PRKCE: variants seen among roughly 807,000 people sequenced by gnomAD.
PRKCE encodes the protein protein kinase C epsilon type.
PRKCE carries 16 observed loss-of-function variants against 85.4 expected under a neutral mutation model. The ratio of observed to expected loss-of-function variants is 0.19; its 90% CI spans 0.13 to 0.28. PRKCE has a LOEUF of 0.28. PRKCE is among the 10% of genes least tolerant of loss of function. The pLI is 1.00. For synonymous variants in PRKCE, 388 were observed against 371.5 expected (o/e 1.04, Z -0.51); for missense variants, 573 against 975.2 (o/e 0.59, Z 5.49).
intron 14 of PRKCE, among the ~76,000 whole-genome samples, chr2:46,160,813 G>A (rs565907187): frequency 2.0e-5 from 3 of 152,302 alleles, no homozygotes; most frequent in East Asian, 1.9e-4. Flanking sequence ...CTGGGGAGCC[G>A]TTATTGACAA....
intron 1 of PRKCE, among the ~76,000 whole-genome samples, chr2:45,734,927 C>T (rs1681921657): frequency 2.6e-5 from 4 of 152,250 alleles, no homozygotes; most frequent in Admixed American, 2.6e-4. Context: ...GTAGAGCTCC[C>T]CTCGGGATTG....
chr2:46,035,711 GC>G (rs1257861505), intron 10 of PRKCE, among the ~76,000 whole-genome samples: 10 of 152,160 alleles, frequency 6.6e-5, no homozygotes, highest in African/African-American at 2.4e-4. Context: ...GGTGTATATG[GC>G]ACGTTATATA....
chr2:46,069,523 T>C (rs958641766), intron 10 of PRKCE, among the ~76,000 whole-genome samples: 2 of 152,196 alleles, frequency 1.3e-5, no homozygotes, highest in African/African-American at 4.8e-5. Flanking sequence ...AAAAAATCAG[T>C]TTCCTGTATT....
At chr2:45,752,306 C>T (rs1683639018) in intron 1 of PRKCE, among the ~76,000 whole-genome samples, 1 of 152,176 alleles carries the variant, frequency 6.6e-6, no homozygotes, top group South Asian at 2.1e-4. Context: ...TTAATTTATT[C>T]AAAGCCATAA....
intron 10 of PRKCE, among the ~76,000 whole-genome samples, chr2:46,065,785 A>T (rs765242039): frequency 1.3e-5 from 2 of 152,204 alleles, no homozygotes; most frequent in Non-Finnish European, 2.9e-5. Context: ...AAATGATCAC[A>T]GGTGCTTTGA....
Position 45,683,554 on chromosome 2 carries a change from C to T in PRKCE, c.348+31106C>T, listed in dbSNP as rs1677067356. On this transcript the variant is annotated intron_variant, in intron 1 of 14. Coordinates refer to ENST00000306156, the MANE Select transcript of PRKCE (RefSeq NM_005400.3). ...AGGGAGAGGATGCTGAAGGATTTTG[C>T]TCTCAAGTACCTTTGCTTCTAGTTG... is the stretch of plus-strand genomic sequence containing the variant. 2.6e-5 allele frequency among the ~76,000 whole-genome samples: 4 copies of T among 152,194 alleles called. No individual in the cohort carries two copies. The South Asian group carries it at 8.3e-4, about 32-fold the overall frequency.
chr2:46,121,082 T>A (rs1673271194), intron 11 of PRKCE, among the ~76,000 whole-genome samples: 1 of 152,208 alleles, frequency 6.6e-6, no homozygotes, highest in African/African-American at 2.4e-5. Context: ...ATTCCCAAAG[T>A]AAAACCCTTT....
chr2:45,679,487 T>C (rs935135811), intron 1 of PRKCE, among the ~76,000 whole-genome samples: 6 of 152,204 alleles, frequency 3.9e-5, no homozygotes, highest in African/African-American at 1.4e-4. Context: ...AGTCCATATA[T>C]ATTAAAATCT....
At chr2:45,958,190 CAA>C (rs60711691) in intron 2 of PRKCE, among the ~76,000 whole-genome samples, 75,926 of 109,982 alleles carry the variant, frequency 0.69, 24,676 homozygotes, top group South Asian at 0.89. Context: ...ATTAGGCCCG[CAA>C]AAAAAAAAAA....
At chr2:46,045,301 C>T (rs1473166419) in intron 10 of PRKCE, among the ~76,000 whole-genome samples, 1 of 152,206 alleles carries the variant, frequency 6.6e-6, no homozygotes, top group African/African-American at 2.4e-5. Flanking sequence ...TGTTTATTGA[C>T]TGGGTCATCA....
rs186552555 is a variant in PRKCE at position 45,681,873 on chromosome 2, T to C, written c.348+29425T>C. The stretch of plus-strand genomic sequence containing the variant: ...CTGTGACATGTATTGTCTGAGTCAC[T>C]CATTTGGCACTTATTACATCCTGTC... On this transcript the variant is annotated intron_variant, in intron 1 of 14. Transcript: ENST00000306156. Among the ~76,000 whole-genome samples the C allele has an allele frequency of 4.9e-4, 75 of 152,344 alleles. 1 individual carries two copies. In the East Asian group the frequency reaches 8.5e-3, roughly 17 times the overall value.
In PRKCE at chr2:46,186,709, G is replaced by A. The variant is rs1680473538; in HGVS notation, c.*1828G>A. On this transcript the variant is annotated 3_prime_UTR_variant, in exon 15 of 15. Coordinates refer to ENST00000306156, the MANE Select transcript of PRKCE (RefSeq NM_005400.3). ...TCTATTATACCCTGATAGAGATGGGGGAGAGAAAGGAATGTTTTTGATGGT... is the reference window on the plus strand; with the variant it reads ...TCTATTATACCCTGATAGAGATGGGAGAGAGAAAGGAATGTTTTTGATGGT... The A allele has an allele frequency of 6.6e-6, 1 of 152,570 alleles. No individual in the cohort carries two copies. The allele number at this position is 152,570 out of a possible 1,614,324, so 9.5% of individuals were successfully genotyped here.
chr2:45,775,491 C>T (rs892536793), intron 1 of PRKCE, among the ~76,000 whole-genome samples: 1 of 152,166 alleles, frequency 6.6e-6, no homozygotes, highest in Non-Finnish European at 1.5e-5. Flanking sequence ...CCAAACATTT[C>T]CATAGAGTTG....
At chr2:46,063,567 T>G (rs992692696) in intron 10 of PRKCE, among the ~76,000 whole-genome samples, 1 of 152,192 alleles carries the variant, frequency 6.6e-6, no homozygotes, top group African/African-American at 2.4e-5. Flanking sequence ...ATGGCGCCCA[T>G]CTTTGGAAAA....
intron 10 of PRKCE, among the ~76,000 whole-genome samples, chr2:46,022,567 A>G (rs1006795511): frequency 2.0e-5 from 3 of 152,238 alleles, no homozygotes; most frequent in Admixed American, 6.5e-5. Context: ...GAATTTTTCA[A>G]AGCTCAATTC....
At chr2:45,708,123 A>G (rs1182314239) in intron 1 of PRKCE, among the ~76,000 whole-genome samples, 1 of 152,066 alleles carries the variant, frequency 6.6e-6, no homozygotes, top group Non-Finnish European at 1.5e-5. Flanking sequence ...ACTCCTCCCT[A>G]CGCATCATAG....
At chr2:45,827,587 G>T (rs539111777) in intron 1 of PRKCE, among the ~76,000 whole-genome samples, 4 of 152,174 alleles carry the variant, frequency 2.6e-5, no homozygotes, top group African/African-American at 9.7e-5. Flanking sequence ...TAGATAGTCC[G>T]TGCTTCCATA....
chr2:45,862,867 G>A (rs570508476), intron 2 of PRKCE, among the ~76,000 whole-genome samples: 11 of 152,306 alleles, frequency 7.2e-5, no homozygotes, highest in Middle Eastern at 6.8e-3. Flanking sequence ...TCAAAGCTTC[G>A]CAGGGGCTGC....
chr2:45,691,583 G>A (rs981535843), intron 1 of PRKCE, among the ~76,000 whole-genome samples: 9 of 152,204 alleles, frequency 5.9e-5, no homozygotes, highest in East Asian at 5.8e-4. Flanking sequence ...CATCCGCTTC[G>A]TTGACTTGAA....
Sources: gnomAD v4.1 joint callset for allele counts (sites outside exome capture counted in the v4.1 genomes callset) on GRCh38, gnomAD v4.1.1 for gene constraint, MANE v1.5 for transcripts, NCBI Gene and HGNC (gene_info 2026-07-23, HGNC 2026-07-21) for gene names.